SPPL3: variants seen among roughly 807,000 people sequenced by gnomAD.
SPPL3 encodes the protein signal peptide peptidase like 3.
A neutral mutation model predicts 42.4 loss-of-function variants in SPPL3; 5 were observed. That is an observed-to-expected ratio of 0.12 (90% CI 0.06 to 0.25). SPPL3 has a LOEUF of 0.25. Ranked by LOEUF, SPPL3 falls within the 10% of genes least tolerant of loss-of-function variation. SPPL3 has a pLI of 1.00. For synonymous variants in SPPL3, 195 were observed against 181.8 expected, an observed-to-expected ratio of 1.07 and a Z score of -0.58; for missense variants, 235 against 489.0, an observed-to-expected ratio of 0.48 and a Z score of 4.90.
intron 7 of SPPL3, 45 bp downstream of exon 7, chr12:120,768,908 T>C: frequency 6.6e-7 from 1 of 1,525,184 alleles, no homozygotes; most frequent in East Asian, 2.3e-5. Context: ...AATGCTTCAC[T>C]TCAACACAAA....
At chr12:120,869,126 T>C (rs1025786812) in intron 1 of SPPL3, among the ~76,000 whole-genome samples, 1 of 152,084 alleles carries the variant, frequency 6.6e-6, no homozygotes, top group African/African-American at 2.4e-5. Flanking sequence ...ACCAATACAC[T>C]AGGAAATAAC....
At chr12:120,822,268 G>C (rs1871094653) in intron 1 of SPPL3, among the ~76,000 whole-genome samples, 1 of 152,166 alleles carries the variant, frequency 6.6e-6, no homozygotes, top group African/African-American at 2.4e-5. Flanking sequence ...TGTATGTTAT[G>C]TATATTTTAC....
chr12:120,790,648 C>T (rs906690084), intron 3 of SPPL3, among the ~76,000 whole-genome samples: 1 of 152,198 alleles, frequency 6.6e-6, no homozygotes, highest in Admixed American at 6.5e-5. Context: ...GCTCACCTGA[C>T]TTGCGGGTCT....
chr12:120,868,103 A>C (rs1453792793), intron 1 of SPPL3, among the ~76,000 whole-genome samples: 2 of 152,170 alleles, frequency 1.3e-5, no homozygotes, highest in Non-Finnish European at 1.5e-5. Flanking sequence ...ATCTTTACAA[A>C]AAATAAATTA....
chr12:120,811,216 CAA>C (rs60497421), intron 1 of SPPL3: 15,882 of 175,206 alleles, frequency 0.091, 1,619 homozygotes, highest in African/African-American at 0.27. Context: ...GTGCCAATGG[CAA>C]AAGTCTCAAT....
chr12:120,828,234 A>G (rs1399040260), intron 1 of SPPL3, among the ~76,000 whole-genome samples: 1 of 152,250 alleles, frequency 6.6e-6, no homozygotes. Flanking sequence ...CATGGGTCAA[A>G]TAAGAGATCA....
At chr12:120,828,391 C>T (rs887243696) in intron 1 of SPPL3, among the ~76,000 whole-genome samples, 3 of 94,582 alleles carry the variant, frequency 3.2e-5, no homozygotes, top group African/African-American at 6.9e-5. Flanking sequence ...GTTCAAAAAT[C>T]AAAGTTTTTG....
At chr12:120,895,966 G>A (rs1376335625) in intron 1 of SPPL3, among the ~76,000 whole-genome samples, 1 of 151,886 alleles carries the variant, frequency 6.6e-6, no homozygotes, top group Non-Finnish European at 1.5e-5. Context: ...AATACTTTTT[G>A]AATAATCACT....
At chr12:120,800,863 C>A (rs925868739) in intron 2 of SPPL3, among the ~76,000 whole-genome samples, 1 of 152,178 alleles carries the variant, frequency 6.6e-6, no homozygotes. Flanking sequence ...CTTGATTGAG[C>A]TCATACTGTC....
chr12:120,823,875 A>ATT (rs34258841), intron 1 of SPPL3, among the ~76,000 whole-genome samples: 81 of 147,700 alleles, frequency 5.5e-4, no homozygotes, highest in South Asian at 1.3e-3. Context: ...TCACAAAGAC[A>ATT]TTTTTTTTTT....
At chr12:120,901,592 A>T (rs1275308249) in intron 1 of SPPL3, among the ~76,000 whole-genome samples, 1 of 146,920 alleles carries the variant, frequency 6.8e-6, no homozygotes, top group Non-Finnish European at 1.5e-5. Flanking sequence ...CTCCGTCCTA[A>T]AAAAAAAAAA....
At chr12:120,798,018 T>A (rs1288340436) in intron 2 of SPPL3, among the ~76,000 whole-genome samples, 2 of 152,110 alleles carry the variant, frequency 1.3e-5, no homozygotes, top group Non-Finnish European at 2.9e-5. Context: ...TAGAGACTGG[T>A]TAGTTACATG....
chr12:120,802,224 T>C (rs1384857072), intron 2 of SPPL3, among the ~76,000 whole-genome samples: 2 of 151,848 alleles, frequency 1.3e-5, no homozygotes, highest in Non-Finnish European at 2.9e-5. Flanking sequence ...TATATTTAGG[T>C]ATTAGGTTCC....
At chr12:120,811,080 G>A in intron 1 of SPPL3, 194 bp from the exon 2 acceptor site, 1 of 443,346 alleles carries the variant, frequency 2.3e-6, no homozygotes, top group Non-Finnish European at 4.0e-6. Context: ...TAAATTGGTA[G>A]GTTTACAGCT....
intron 2 of SPPL3, among the ~76,000 whole-genome samples, chr12:120,801,767 T>C (rs78408640): frequency 0.032 from 4,884 of 152,328 alleles, 126 homozygotes; most frequent in Non-Finnish European, 0.048. Context: ...GCAGGCTTTA[T>C]AGGTGAATGA....
At chr12:120,819,606 T>C (rs1414662061) in intron 1 of SPPL3, among the ~76,000 whole-genome samples, 1 of 152,208 alleles carries the variant, frequency 6.6e-6, no homozygotes, top group Non-Finnish European at 1.5e-5. Context: ...ATTCCAATTT[T>C]AAACAAATCT....
At chr12:120,775,178 TCTCA>T (rs1485955130) in intron 6 of SPPL3, among the ~76,000 whole-genome samples, 9 of 152,014 alleles carry the variant, frequency 5.9e-5, no homozygotes, top group Non-Finnish European at 1.2e-4. Context: ...AGAGGCAGAG[TCTCA>T]CTCTGTTGCC....
At chr12:120,884,017 C>A (rs1292480259) in intron 1 of SPPL3, among the ~76,000 whole-genome samples, 1 of 151,338 alleles carries the variant, frequency 6.6e-6, no homozygotes, top group African/African-American at 2.4e-5. Context: ...AGGCGAATCG[C>A]TTGAACCCAG....
intron 1 of SPPL3, among the ~76,000 whole-genome samples, chr12:120,820,417 G>A (rs981872764): frequency 1.4e-5 from 2 of 145,084 alleles, no homozygotes; most frequent in Admixed American, 1.4e-4. Context: ...CCAGGTTCAC[G>A]CCATTCTCCT....
Sources: allele counts gnomAD v4.1 joint callset (sites outside exome capture counted in the v4.1 genomes callset), GRCh38; gene constraint gnomAD v4.1.1; transcripts MANE v1.5; gene names NCBI Gene and HGNC (gene_info 2026-07-23, HGNC 2026-07-21).